The following NLGN1 variants were observed in gnomAD, a reference collection of about 807,000 sequenced individuals.
The protein encoded by NLGN1 is neuroligin-1.
NLGN1 carries 12 observed loss-of-function variants against 65.5 expected under a neutral mutation model. The ratio of observed to expected loss-of-function variants is 0.18; its 90% confidence interval spans 0.12 to 0.30. The LOEUF (loss-of-function observed/expected upper bound fraction) is 0.30. NLGN1 is among the 10% of genes least tolerant of loss of function. NLGN1 has a pLI of 1.00. For synonymous variants in NLGN1, 350 were observed against 359.5 expected, an observed-to-expected ratio of 0.97 and a Z score of 0.30; for missense variants, 750 against 1,007.1, an observed-to-expected ratio of 0.74 and a Z score of 3.46.
chr3:173,415,921 A>AGC (rs2148669094), intron 1 of NLGN1, among the ~76,000 whole-genome samples: 1 of 134,248 alleles, frequency 7.4e-6, no homozygotes, highest in East Asian at 2.0e-4. Flanking sequence ...AGAGAGAGGG[A>AGC]GAGAGAGAGA....
intron 3 of NLGN1, among the ~76,000 whole-genome samples, chr3:173,792,008 A>T (rs1232394735): frequency 6.6e-6 from 1 of 152,156 alleles, no homozygotes; most frequent in Non-Finnish European, 1.5e-5. Context: ...ATCAGGCAAG[A>T]TAGACAGAGG....
At chr3:174,106,572 A>C (rs1044326465) in intron 4 of NLGN1, among the ~76,000 whole-genome samples, 1 of 152,120 alleles carries the variant, frequency 6.6e-6, no homozygotes, top group African/African-American at 2.4e-5. Flanking sequence ...ATAGATCTAT[A>C]TGCAATTGTA....
chr3:174,273,409 G>A (rs1749866604), intron 4 of NLGN1, among the ~76,000 whole-genome samples: 1 of 151,430 alleles, frequency 6.6e-6, no homozygotes, highest in Admixed American at 6.6e-5. Context: ...TGTCTTTATA[G>A]ACCAAAACAT....
chr3:173,499,036 T>C (rs1357102259), intron 2 of NLGN1, among the ~76,000 whole-genome samples: 5 of 151,042 alleles, frequency 3.3e-5, no homozygotes, highest in Non-Finnish European at 5.9e-5. Context: ...TTTCTTTTGC[T>C]GTGCAGAAGC....
intron 4 of NLGN1, among the ~76,000 whole-genome samples, chr3:174,121,248 C>G (rs1717721608): frequency 1.3e-5 from 2 of 152,196 alleles, no homozygotes; most frequent in African/African-American, 4.8e-5. Flanking sequence ...CAAGTTCTGT[C>G]TGAGAGCCAC....
chr3:173,546,282 C>T (rs1739818419), intron 2 of NLGN1, among the ~76,000 whole-genome samples: 1 of 152,092 alleles, frequency 6.6e-6, no homozygotes, highest in Admixed American at 6.6e-5. Context: ...ACCCCTGGCA[C>T]TTGGGATTTT....
At chr3:173,428,468 TA>T (rs1480571880) in intron 1 of NLGN1, among the ~76,000 whole-genome samples, 2 of 151,998 alleles carry the variant, frequency 1.3e-5, no homozygotes, top group Non-Finnish European at 2.9e-5. Flanking sequence ...ATGATTACCA[TA>T]AGGCTTACAA....
chr3:173,758,778 C>T (rs1777518363), intron 3 of NLGN1, among the ~76,000 whole-genome samples: 1 of 151,902 alleles, frequency 6.6e-6, no homozygotes. Context: ...TTACTATACC[C>T]AATTACATGA....
At chr3:173,523,204 TTGTC>T (rs200900404) in intron 2 of NLGN1, among the ~76,000 whole-genome samples, 2,500 of 151,734 alleles carry the variant, frequency 0.016, 79 homozygotes, top group African/African-American at 0.057. Flanking sequence ...ACTCTGCACA[TTGTC>T]TGTTCACTGT....
intron 4 of NLGN1, among the ~76,000 whole-genome samples, chr3:174,234,985 C>CTT (rs748911027): frequency 0.054 from 3,511 of 65,594 alleles, 852 homozygotes; most frequent in Non-Finnish European, 0.06. Context: ...AAGGAATCAC[C>CTT]TTTTTTTTTT....
intron 4 of NLGN1, among the ~76,000 whole-genome samples, chr3:174,267,968 GA>G (rs1324861266): frequency 6.6e-6 from 1 of 152,056 alleles, no homozygotes; most frequent in Non-Finnish European, 1.5e-5. Context: ...ACACTTAAGA[GA>G]GATAAAAATA....
chr3:174,196,339 C>A (rs921443775), intron 4 of NLGN1, among the ~76,000 whole-genome samples: 2 of 151,928 alleles, frequency 1.3e-5, no homozygotes, highest in Admixed American at 1.3e-4. Context: ...CATTGATAGT[C>A]TGAAGATCAA....
intron 3 of NLGN1, among the ~76,000 whole-genome samples, chr3:173,666,880 C>G (rs1333226807): frequency 1.3e-5 from 2 of 152,018 alleles, no homozygotes; most frequent in African/African-American, 4.8e-5. Context: ...CACAGATCAA[C>G]AAACAGAACA....
intron 2 of NLGN1, among the ~76,000 whole-genome samples, chr3:173,466,152 T>C (rs1347517814): frequency 6.6e-6 from 1 of 152,176 alleles, no homozygotes; most frequent in Non-Finnish European, 1.5e-5. Flanking sequence ...GACATATTCA[T>C]TGAGCAATTG....
chr3:173,605,584 A>G, intron 3 of NLGN1: 1 of 1,282,932 alleles, frequency 7.8e-7, no homozygotes, highest in Non-Finnish European at 1.0e-6. Flanking sequence ...GAAAATATGT[A>G]GAAAAGGAGG....
intron 3 of NLGN1, among the ~76,000 whole-genome samples, chr3:173,674,322 C>A (rs1762838488): frequency 6.6e-6 from 1 of 151,982 alleles, no homozygotes; most frequent in Admixed American, 6.6e-5. Flanking sequence ...AGCCATTGTA[C>A]CAAGGATATT....
chr3:173,798,998 A>G (rs1465246291), intron 3 of NLGN1, among the ~76,000 whole-genome samples: 1 of 152,004 alleles, frequency 6.6e-6, no homozygotes, highest in Admixed American at 6.6e-5. Context: ...CTCGGAAAAG[A>G]CTTAGAAATT....
intron 4 of NLGN1, among the ~76,000 whole-genome samples, chr3:173,918,204 A>G (rs1456829670): frequency 1.3e-5 from 2 of 152,250 alleles, no homozygotes; most frequent in East Asian, 1.9e-4. Flanking sequence ...AAACGTATTT[A>G]TGTGAAATCT....
chr3:173,709,583 C>T (rs913565313), intron 3 of NLGN1, among the ~76,000 whole-genome samples: 1 of 151,928 alleles, frequency 6.6e-6, no homozygotes, highest in Non-Finnish European at 1.5e-5. Flanking sequence ...AGGTGGATCA[C>T]TTGAGGTCAG....
Sources: allele counts gnomAD v4.1 joint callset (sites outside exome capture counted in the v4.1 genomes callset), GRCh38; gene constraint gnomAD v4.1.1; transcripts MANE v1.5; gene names NCBI Gene and HGNC (gene_info 2026-07-23, HGNC 2026-07-21).